Variants in ZFHX3 observed in about 807,000 individuals in gnomAD.
ZFHX3 encodes the protein zinc finger homeobox protein 3.
A neutral mutation model predicts 279.1 loss-of-function variants in ZFHX3; 42 were observed. The observed-to-expected ratio is 0.15, with a 90% CI of 0.12 to 0.19. ZFHX3 has a LOEUF of 0.19. Ranked by LOEUF, ZFHX3 falls within the 10% of genes least tolerant of loss-of-function variation. ZFHX3 has a pLI of 1.00. For missense variants in ZFHX3, 4,981 were observed against 4,754.0 expected, an observed-to-expected ratio of 1.05 and a Z score of -1.40; for synonymous variants, 2,293 against 1,957.8, an observed-to-expected ratio of 1.17 and a Z score of -4.52.
intron 3 of ZFHX3, among the ~76,000 whole-genome samples, chr16:73,453,392 C>T (rs2018312703): frequency 6.6e-6 from 1 of 152,186 alleles, no homozygotes; most frequent in Non-Finnish European, 1.5e-5. Context: ...CAGCAGGTTC[C>T]TCTTCCCTCA....
intron 1 of ZFHX3, among the ~76,000 whole-genome samples, chr16:73,042,916 A>T (rs1262183943): frequency 6.6e-6 from 1 of 151,812 alleles, no homozygotes; most frequent in African/African-American, 2.4e-5. Flanking sequence ...TAGGCCCCTT[A>T]TGTCATTAGC....
At chr16:73,309,360 A>G (rs563926404) in intron 4 of ZFHX3, among the ~76,000 whole-genome samples, 1 of 152,298 alleles carries the variant, frequency 6.6e-6, no homozygotes, top group South Asian at 2.1e-4. Flanking sequence ...TTAGTTTTCT[A>G]AGGATGATGG....
intron 5 of ZFHX3, among the ~76,000 whole-genome samples, chr16:73,207,501 C>T (rs905422129): frequency 6.6e-6 from 1 of 152,062 alleles, no homozygotes; most frequent in African/African-American, 2.4e-5. Flanking sequence ...AATAATAAAG[C>T]CAAAAGAACG....
chr16:73,842,873 G>A (rs895481531), intron 1 of ZFHX3, among the ~76,000 whole-genome samples: 4 of 148,234 alleles, frequency 2.7e-5, no homozygotes, highest in African/African-American at 9.8e-5. Flanking sequence ...TATGACCCAC[G>A]GAAGGCACCG....
chr16:72,910,284 T>G (rs2039286102), intron 3 of ZFHX3, among the ~76,000 whole-genome samples: 1 of 152,164 alleles, frequency 6.6e-6, no homozygotes, highest in Admixed American at 6.5e-5. Context: ...CAATCCAGTT[T>G]TAAACAGCCA....
In ZFHX3 at chr16:73,358,407, G is replaced by A. The variant is rs550691507; in HGVS notation, c.-1290-40071C>T. ...AGTGGCTACTGGCGGGAAACCGAGC[G>A]CAGCCTCTGGCCAAGAACCCATGAG... On this transcript the variant is annotated intron_variant, in intron 3 of 17. Transcript: ENST00000641206. 1.3e-3 allele frequency among the ~76,000 whole-genome samples: 200 copies of A among 152,330 alleles called. 2 individuals carry two copies. The highest frequency in any genetic ancestry group is 4.3e-3 in the African/African-American group (177 of 41,580).
At chr16:72,833,673 G>C (rs890675465) in intron 4 of ZFHX3, among the ~76,000 whole-genome samples, 1 of 152,176 alleles carries the variant, frequency 6.6e-6, no homozygotes, top group African/African-American at 2.4e-5. Context: ...ACCTGGGAGA[G>C]AAGGTCATCC....
intron 1 of ZFHX3, among the ~76,000 whole-genome samples, chr16:73,686,844 G>T (rs1336712757): frequency 6.6e-6 from 1 of 151,566 alleles, no homozygotes; most frequent in Non-Finnish European, 1.5e-5. Flanking sequence ...TTAAAGGAAA[G>T]GAGCATAACA....
intron 2 of ZFHX3, among the ~76,000 whole-genome samples, chr16:73,461,740 C>T (rs972862627): frequency 7.9e-5 from 12 of 152,236 alleles, no homozygotes; most frequent in South Asian, 2.1e-4. Flanking sequence ...CTTCATTATC[C>T]GTGTAACAAT....
chr16:73,377,688 GT>G (rs113912311), intron 3 of ZFHX3, among the ~76,000 whole-genome samples: 51 of 148,056 alleles, frequency 3.4e-4, no homozygotes, highest in South Asian at 8.6e-4. Context: ...ACTCCTTTGT[GT>G]TTTTTTTTTC....
intron 1 of ZFHX3, among the ~76,000 whole-genome samples, chr16:73,018,547 C>T (rs1358412084): frequency 6.6e-6 from 1 of 152,012 alleles, no homozygotes; most frequent in African/African-American, 2.4e-5. Flanking sequence ...TGCAGTGAGC[C>T]AAAATCACAC....
chr16:73,561,523 C>G (rs2020369380), intron 2 of ZFHX3, among the ~76,000 whole-genome samples: 1 of 152,122 alleles, frequency 6.6e-6, no homozygotes, highest in Non-Finnish European at 1.5e-5. Context: ...AATGCTCCAC[C>G]ATATTTTGCC....
intron 5 of ZFHX3, among the ~76,000 whole-genome samples, chr16:73,149,812 C>A (rs191283192): frequency 3.0e-4 from 45 of 152,208 alleles, no homozygotes; most frequent in African/African-American, 1.1e-3. Flanking sequence ...CTTCATTGTG[C>A]TATGTAGACT....
intron 2 of ZFHX3, among the ~76,000 whole-genome samples, chr16:73,665,814 T>A (rs1240057554): frequency 7.0e-6 from 1 of 143,420 alleles, no homozygotes; most frequent in Admixed American, 6.9e-5. Context: ...ATAACTTTTT[T>A]TTTTTTTTTT....
chr16:73,069,033 C>T (rs2144752745), intron 8 of ZFHX3, among the ~76,000 whole-genome samples: 1 of 152,340 alleles, frequency 6.6e-6, no homozygotes, highest in Non-Finnish European at 1.5e-5. Flanking sequence ...GGGCTGATCA[C>T]TCCTCGCCGT....
chr16:73,332,515 C>A (rs2015825381), intron 3 of ZFHX3, among the ~76,000 whole-genome samples: 1 of 152,192 alleles, frequency 6.6e-6, no homozygotes, highest in Non-Finnish European at 1.5e-5. Flanking sequence ...AACTACCACC[C>A]AGAGGAAAAC....
intron 2 of ZFHX3, among the ~76,000 whole-genome samples, chr16:73,520,489 A>G (rs1226887284): frequency 6.6e-6 from 1 of 152,184 alleles, no homozygotes; most frequent in Non-Finnish European, 1.5e-5. Context: ...TGTCTTGGTA[A>G]ATTTCAGTTT....
chr16:73,585,731 G>A (rs2051919230), intron 2 of ZFHX3, among the ~76,000 whole-genome samples: 2 of 152,180 alleles, frequency 1.3e-5, no homozygotes, highest in Non-Finnish European at 2.9e-5. Context: ...ATGACTTGTG[G>A]GATTAAATGA....
At chr16:73,862,666 A>G (rs915482839) in intron 1 of ZFHX3, among the ~76,000 whole-genome samples, 1 of 151,894 alleles carries the variant, frequency 6.6e-6, no homozygotes, top group African/African-American at 2.4e-5. Context: ...TGTCTCAGCT[A>G]TTTGGGAGGC....
Sources: gnomAD v4.1 joint callset for allele counts (sites outside exome capture counted in the v4.1 genomes callset) on GRCh38, gnomAD v4.1.1 for gene constraint, MANE v1.5 for transcripts, NCBI Gene and HGNC (gene_info 2026-07-23, HGNC 2026-07-21) for gene names.